The following KCNA2 variants were observed in gnomAD, a reference collection of about 807,000 sequenced individuals.
The protein encoded by KCNA2 is potassium channel, voltage gated shaker related subfamily A, member 2.
KCNA2 carries 11 observed loss-of-function variants against 33.4 expected under a neutral mutation model. That is an observed-to-expected ratio of 0.33 (90% CI 0.21 to 0.55). KCNA2 has a LOEUF of 0.55. Among genes scored for constraint, KCNA2 ranks in the 20% least tolerant of loss-of-function variants. The probability of loss-of-function intolerance (pLI) is 0.93; values close to 1 mark genes in which losing one functional copy is unlikely to be tolerated. For missense variants in KCNA2, 291 were observed against 621.6 expected (o/e 0.47, Z 5.66); for synonymous variants, 222 against 231.3 (o/e 0.96, Z 0.37).
chr1:110,630,061 G>A (rs1042859775), intron 1 of KCNA2, among the ~76,000 whole-genome samples: 3 of 142,354 alleles, frequency 2.1e-5, no homozygotes, highest in African/African-American at 7.9e-5. Flanking sequence ...TGTTGTCCAG[G>A]CTGGAGTGCA....
intron 1 of KCNA2, among the ~76,000 whole-genome samples, chr1:110,613,848 G>T (rs1370743957): frequency 5.3e-5 from 8 of 152,156 alleles, no homozygotes; most frequent in Non-Finnish European, 1.0e-4. Context: ...TATCCATCCT[G>T]CTGTGCTGTT....
chr1:110,610,683 C>G (rs1463875204), upstream of KCNA2, among the ~76,000 whole-genome samples: 2 of 152,186 alleles, frequency 1.3e-5, no homozygotes, highest in Non-Finnish European at 2.9e-5. Flanking sequence ...CAGTGCCAGG[C>G]CTCTGGGCTC....
Position 110,593,995 on chromosome 1 carries a change from C to G in KCNA2, c.*9288G>C, listed in dbSNP as rs567558342. 1.3e-6 allele frequency: 2 copies of G among 1,545,868 alleles called. No homozygotes were observed. The highest frequency in any genetic ancestry group is 1.7e-6 in the Non-Finnish European group (2 of 1,145,090). ...ACTCCCATGAGTCTTCCCCGCAAGTCCTGCTCCGCCTTCAGCTCTCATTGG... is the reference window on the plus strand; with the variant it reads ...ACTCCCATGAGTCTTCCCCGCAAGTGCTGCTCCGCCTTCAGCTCTCATTGG... On this transcript the variant is annotated 3_prime_UTR_variant, in exon 3 of 3. Coordinates refer to ENST00000316361, the MANE Select transcript of KCNA2 (RefSeq NM_004974.4).
At chr1:110,631,055 T>C (rs762216213) in intron 1 of KCNA2, among the ~76,000 whole-genome samples, 8 of 152,140 alleles carry the variant, frequency 5.3e-5, no homozygotes, top group South Asian at 2.1e-4. Context: ...TGCTTTGGGA[T>C]TGGTCCCTTC....
At position 110,595,071 on chromosome 1, in the gene KCNA2, TCA is replaced by T; in HGVS notation, c.*8210_*8211del. The T allele has an allele frequency of 2.0e-6, 2 of 985,330 alleles. No homozygotes were observed. The highest frequency in any genetic ancestry group is 4.7e-5 in the South Asian group (1 of 21,278). The allele number at this position is 985,330 out of a possible 1,614,324, so 61.0% of individuals were successfully genotyped here. On this transcript the variant is annotated 3_prime_UTR_variant, in exon 3 of 3. Coordinates refer to ENST00000316361, the MANE Select transcript of KCNA2 (RefSeq NM_004974.4). ...AGGAGAAGCAGGGCTTAGAGGCCTC[TCA>T]CAGAGACTCAGAAAGACACCAGACT...
intron 1 of KCNA2, among the ~76,000 whole-genome samples, chr1:110,622,039 A>C (rs1479775714): frequency 6.6e-6 from 1 of 152,138 alleles, no homozygotes; most frequent in Non-Finnish European, 1.5e-5. Flanking sequence ...CCAGACAAAA[A>C]CATCACCAGT....
chr1:110,607,979 G>A (rs1649736789), upstream of KCNA2: 1 of 152,570 alleles, frequency 6.6e-6, no homozygotes, highest in African/African-American at 2.4e-5. Context: ...AGGAGCCGCA[G>A]GAACAGGCAG....
chr1:110,595,309 C>A lies in KCNA2; in HGVS notation c.*7974G>T. The A allele has an allele frequency of 1.0e-6, 1 of 985,394 alleles. No individual in the cohort carries two copies. The allele number at this position is 985,394 out of a possible 1,614,324, so 61.0% of individuals were successfully genotyped here. On this transcript the variant is annotated 3_prime_UTR_variant, in exon 3 of 3. Coordinates refer to ENST00000316361, the MANE Select transcript of KCNA2 (RefSeq NM_004974.4). ...GCAGAGGAGCACAGAAAGTTATATC[C>A]ATTTCCATGCTGAGGTTCATGAAGT...
At position 110,594,321 on chromosome 1, in the gene KCNA2, A is replaced by ATATATATATATG; in HGVS notation, c.*8961_*8962insCATATATATATA. ...TATATATATATACATATATATATATATGTGTGTGTATATATATATACACAC... is the reference window on the plus strand; with the variant it reads ...TATATATATATACATATATATATATATATATATATATGTGTGTGTGTATATATATATACACAC... On this transcript the variant is annotated 3_prime_UTR_variant, in exon 3 of 3. Transcript: ENST00000316361. The ATATATATATATG allele has an allele frequency of 1.2e-6, 1 of 858,454 alleles. No homozygotes were observed. The highest frequency in any genetic ancestry group is 1.4e-6 in the Non-Finnish European group (1 of 718,992). 53.2% of individuals were successfully genotyped at this position (858,454 alleles called of 1,614,324 possible).
intron 1 of KCNA2, among the ~76,000 whole-genome samples, chr1:110,629,917 T>C (rs1208970603): frequency 6.6e-6 from 1 of 152,074 alleles, no homozygotes; most frequent in Non-Finnish European, 1.5e-5. Flanking sequence ...TTTGAATTCA[T>C]GTAATGCAGT....
In KCNA2 at chr1:110,594,390, C is replaced by A; in HGVS notation, c.*8893G>T. 1 of 984,640 alleles carries A rather than the reference C, an allele frequency of 1.0e-6. No individual in the cohort carries two copies. Among genetic ancestry groups the A allele is most frequent in the African/African-American group, 1.8e-5 (1 of 57,048 alleles). The allele number at this position is 984,640 out of a possible 1,614,324, so 61.0% of individuals were successfully genotyped here. On this transcript the variant is annotated 3_prime_UTR_variant, in exon 3 of 3. Transcript: ENST00000316361. ...AGTCTCCAGAGGCAGCCTATATAAGCACATAAGCACACAGGTCTGGAAAAG... is the reference window on the plus strand; with the variant it reads ...AGTCTCCAGAGGCAGCCTATATAAGAACATAAGCACACAGGTCTGGAAAAG...
chr1:110,611,443 T>C (rs1649869660), intron 1 of KCNA2, among the ~76,000 whole-genome samples: 1 of 152,206 alleles, frequency 6.6e-6, no homozygotes, highest in South Asian at 2.1e-4. Flanking sequence ...AAAGAATATG[T>C]TCTTTTATTA....
At chr1:110,630,188 G>T (rs1650515693) in intron 1 of KCNA2, among the ~76,000 whole-genome samples, 1 of 151,802 alleles carries the variant, frequency 6.6e-6, no homozygotes. Flanking sequence ...ACTAATTTTT[G>T]TAATTTTTTT....
intron 1 of KCNA2, among the ~76,000 whole-genome samples, chr1:110,628,100 G>C (rs1176880084): frequency 6.6e-6 from 1 of 152,204 alleles, no homozygotes; most frequent in South Asian, 2.1e-4. Context: ...AGATGATGGT[G>C]ATGGTTGAAG....
At chr1:110,628,025 G>A (rs537953692) in intron 1 of KCNA2, among the ~76,000 whole-genome samples, 7 of 152,278 alleles carry the variant, frequency 4.6e-5, no homozygotes, top group African/African-American at 1.7e-4. Context: ...CTCATTTCTT[G>A]AATTCACTAA....
upstream of KCNA2, among the ~76,000 whole-genome samples, chr1:110,607,025 G>A (rs114980882): frequency 5.1e-3 from 771 of 151,466 alleles, 7 homozygotes; most frequent in African/African-American, 0.018. Context: ...AGGGTCCCGA[G>A]CCCATTCTGT....
At position 110,595,220 on chromosome 1, in the gene KCNA2, T is replaced by C. The variant is rs573249340; in HGVS notation, c.*8063A>G. On this transcript the variant is annotated 3_prime_UTR_variant, in exon 3 of 3. Coordinates refer to ENST00000316361, the MANE Select transcript of KCNA2 (RefSeq NM_004974.4). ...TAATCATGCCCTGTGCATCCATCAG[T>C]GGAATGATGCAGGGAGTTCTCAGCT... 9.1e-6 allele frequency: 9 copies of C among 985,382 alleles called. No homozygotes were observed. The South Asian group carries it at 4.2e-4, about 46-fold the overall frequency. The allele number at this position is 985,382 out of a possible 1,614,324, so 61.0% of individuals were successfully genotyped here.
chr1:110,627,927 G>A (rs1650444878), intron 1 of KCNA2, among the ~76,000 whole-genome samples: 1 of 152,144 alleles, frequency 6.6e-6, no homozygotes, highest in Non-Finnish European at 1.5e-5. Flanking sequence ...AGCAAGAATA[G>A]GAAGTGGGAA....
upstream of KCNA2, chr1:110,606,367 C>T (rs3860224): frequency 6.6e-6 from 1 of 152,074 alleles, no homozygotes; most frequent in South Asian, 2.1e-4. Flanking sequence ...ATAAACGCTC[C>T]GCCTGCCTAG....
Sources: allele counts gnomAD v4.1 joint callset (sites outside exome capture counted in the v4.1 genomes callset), GRCh38; gene constraint gnomAD v4.1.1; transcripts MANE v1.5; gene names NCBI Gene and HGNC (gene_info 2026-07-23, HGNC 2026-07-21).